Variants in SRGAP2B observed in about 807,000 individuals in gnomAD.
The protein encoded by SRGAP2B is SLIT-ROBO Rho GTPase-activating protein 2B.
In SRGAP2B, 9 loss-of-function variants were observed where a neutral mutation model predicts 22.2. That is an observed-to-expected ratio of 0.41 (90% confidence interval 0.24 to 0.71). The LOEUF is 0.71. Among genes scored for constraint, SRGAP2B ranks in the 30% least tolerant of loss-of-function variants. The pLI is 0.35. For missense variants in SRGAP2B, 114 were observed against 235.8 expected (o/e 0.48, Z 3.38); for synonymous variants, 36 against 87.4 (o/e 0.41, Z 3.28).
chr1:145,081,176 C>A (rs1175579537), intron 2 of SRGAP2B, among the ~76,000 whole-genome samples: 3 of 148,858 alleles, frequency 2.0e-5, no homozygotes, highest in Non-Finnish European at 3.0e-5. Flanking sequence ...TGCTTCAGAG[C>A]AAGTTATTTA....
intron 2 of SRGAP2B, among the ~76,000 whole-genome samples, chr1:145,006,101 C>T (rs2008539): frequency 6.0e-5 from 9 of 150,924 alleles, no homozygotes; most frequent in South Asian, 2.1e-4. Flanking sequence ...ACCCCTGCGG[C>T]GTGACTCTCA....
At chr1:144,942,211 G>GGGA in intron 4 of SRGAP2B, among the ~76,000 whole-genome samples, 1 of 145,906 alleles carries the variant, frequency 6.9e-6, no homozygotes, top group South Asian at 2.2e-4. Context: ...GGCATGGTTA[G>GGGA]CATTCATTTA....
At chr1:144,943,866 C>T (rs1289015148) in intron 4 of SRGAP2B, among the ~76,000 whole-genome samples, 1 of 150,172 alleles carries the variant, frequency 6.7e-6, no homozygotes, top group Non-Finnish European at 1.5e-5. Context: ...CCTAGGAACC[C>T]CCTCAGCCCA....
At chr1:144,923,475 C>A (rs1450858652) in intron 4 of SRGAP2B, among the ~76,000 whole-genome samples, 1 of 149,878 alleles carries the variant, frequency 6.7e-6, no homozygotes, top group East Asian at 2.0e-4. Flanking sequence ...CTGTGGGTAA[C>A]CTTGAGTAGA....
intron 4 of SRGAP2B, among the ~76,000 whole-genome samples, chr1:144,926,887 C>T (rs1475734961): frequency 6.6e-6 from 1 of 150,942 alleles, no homozygotes; most frequent in Non-Finnish European, 1.5e-5. Flanking sequence ...AAAAGGAAAA[C>T]CCCACAGATG....
At chr1:145,026,008 GA>G (rs1553625019) in intron 2 of SRGAP2B, among the ~76,000 whole-genome samples, 1 of 90,300 alleles carries the variant, frequency 1.1e-5, no homozygotes, top group African/African-American at 4.0e-5. Context: ...TTAAAAAGAG[GA>G]AAAGAAAAAC....
In SRGAP2B at chr1:144,944,683, T is replaced by TTTTATTTA. The variant is rs57558732; in HGVS notation, c.423+10748_423+10755dup. ...GGTGAACAAAAGAAAGAATTGGTTG[T>TTTTATTTA]TTTATTTATTTATTTATTTATTTAT... On this transcript the variant is annotated intron_variant, in intron 4 of 9. Coordinates refer to ENST00000612199, the Ensembl canonical transcript of SRGAP2B. Among the ~76,000 whole-genome samples the TTTTATTTA allele has an allele frequency of 5.0e-4, 66 of 132,328 alleles. 1 individual carries two copies. Among genetic ancestry groups the TTTTATTTA allele is most frequent in the Middle Eastern group, 3.7e-3 (1 of 268 alleles). 86.8% of individuals were successfully genotyped at this position (132,328 alleles called of 152,430 possible). A position where few individuals can be genotyped will look rare whatever the true frequency, so the allele number is the denominator to read the frequency against.
At position 145,009,543 on chromosome 1, in the gene SRGAP2B, C is replaced by G. The variant is rs1386680665; in HGVS notation, c.68-14343G>C. On this transcript the variant is annotated intron_variant, in intron 2 of 9. Transcript: ENST00000612199. ...GCGGAGCTTGCAGTGAGCCGAGATC[C>G]CGCCACTGCACTCCAGCCTGGGCGA... is the stretch of plus-strand genomic sequence containing the variant. 2.1e-4 allele frequency among the ~76,000 whole-genome samples: 31 copies of G among 144,656 alleles called. 1 individual carries two copies. In the Middle Eastern group the frequency reaches 0.021, roughly 98 times the overall value. 94.9% of individuals were successfully genotyped at this position (144,656 alleles called of 152,430 possible).
intron 2 of SRGAP2B, among the ~76,000 whole-genome samples, chr1:145,016,862 T>TG (rs1672458977): frequency 6.6e-6 from 1 of 151,082 alleles, no homozygotes; most frequent in East Asian, 1.9e-4. Context: ...TTTTGTTTTT[T>TG]TTTTGAGACG....
At chr1:144,911,479 G>A (rs1328510690) in intron 5 of SRGAP2B, among the ~76,000 whole-genome samples, 1 of 149,170 alleles carries the variant, frequency 6.7e-6, no homozygotes, top group Non-Finnish European at 1.5e-5. Flanking sequence ...TTTCAGCACT[G>A]ACAATTTCAT....
At chr1:144,938,637 T>C (rs1338047970) in intron 4 of SRGAP2B, among the ~76,000 whole-genome samples, 1 of 147,956 alleles carries the variant, frequency 6.8e-6, no homozygotes, top group African/African-American at 2.6e-5. Flanking sequence ...CCATCCTCTT[T>C]GCCCTGTTTC....
At chr1:144,950,814 A>G (rs1412800093) in intron 4 of SRGAP2B, among the ~76,000 whole-genome samples, 5 of 150,776 alleles carry the variant, frequency 3.3e-5, no homozygotes, top group Non-Finnish European at 7.4e-5. Context: ...CTGGAGTTAA[A>G]CGTTAGCTTC....
At chr1:145,059,442 G>GA (rs1231192227) in intron 2 of SRGAP2B, among the ~76,000 whole-genome samples, 8 of 50,784 alleles carry the variant, frequency 1.6e-4, no homozygotes, top group African/African-American at 2.4e-4. Flanking sequence ...AAAAAAGAAA[G>GA]AAAAAAAACT....
At chr1:144,959,169 C>A (rs12091624) in intron 3 of SRGAP2B, among the ~76,000 whole-genome samples, 1 of 150,208 alleles carries the variant, frequency 6.7e-6, no homozygotes, top group South Asian at 2.1e-4. Context: ...AGGGCCTAGG[C>A]TGGGTTCATG....
At chr1:144,983,823 T>C (rs1224478734) in intron 3 of SRGAP2B, among the ~76,000 whole-genome samples, 1 of 150,294 alleles carries the variant, frequency 6.7e-6, no homozygotes, top group Non-Finnish European at 1.5e-5. Flanking sequence ...TTCCACAGTT[T>C]CAACCATCCC....
chr1:145,093,627 A>G (rs1553636551), intron 1 of SRGAP2B, among the ~76,000 whole-genome samples, 184 bp from the exon 2 acceptor site: 3 of 142,342 alleles, frequency 2.1e-5, no homozygotes, highest in Non-Finnish European at 4.5e-5. Context: ...TCCGGATTTT[A>G]AGGCTGAAAG....
At chr1:144,927,098 C>T (rs1553346469) in intron 4 of SRGAP2B, among the ~76,000 whole-genome samples, 4 of 149,942 alleles carry the variant, frequency 2.7e-5, no homozygotes, top group South Asian at 2.1e-4. Flanking sequence ...TACAGGTGCC[C>T]GCCACTATGC....
intron 3 of SRGAP2B, among the ~76,000 whole-genome samples, chr1:144,971,131 C>CTTT (rs60651899): frequency 6.0e-4 from 85 of 140,860 alleles, no homozygotes; most frequent in African/African-American, 2.2e-3. Context: ...GGAACACTTC[C>CTTT]TTTTTTTTTT....
At chr1:145,088,517 C>G (rs9803057) in intron 2 of SRGAP2B, among the ~76,000 whole-genome samples, 7 of 138,902 alleles carry the variant, frequency 5.0e-5, no homozygotes, top group South Asian at 2.3e-4. Context: ...GCTCAGCATA[C>G]AGTGCCACCC....
Sources: allele counts gnomAD v4.1 joint callset (sites outside exome capture counted in the v4.1 genomes callset), GRCh38; gene constraint gnomAD v4.1.1; transcripts MANE v1.5; gene names NCBI Gene and HGNC (gene_info 2026-07-23, HGNC 2026-07-21).